NCAM2: variants seen among roughly 807,000 people sequenced by gnomAD.
NCAM2 encodes N-CAM-2.
In NCAM2, 30 loss-of-function variants were observed where a neutral mutation model predicts 98.1. The observed-to-expected ratio is 0.31, with a 90% CI of 0.23 to 0.41. The LOEUF (loss-of-function observed/expected upper bound fraction) is 0.41, where lower values mean the gene tolerates loss of function less well. Among genes scored for constraint, NCAM2 ranks in the 10% least tolerant of loss-of-function variants. NCAM2 has a pLI of 1.00. For synonymous variants in NCAM2, 368 were observed against 342.4 expected, an observed-to-expected ratio of 1.07 and a Z score of -0.83; for missense variants, 867 against 1,005.8, an observed-to-expected ratio of 0.86 and a Z score of 1.87.
chr21:21,284,396 T>G lies in NCAM2; in HGVS notation c.333T>G (p.Ile111Met). The change falls in exon 3 of 18, where the codon ATT becomes ATG. Residue 111 changes from isoleucine (I) to methionine (M), a missense_variant. Physicochemically the swap from Ile to Met is conservative, Grantham distance 10. Around this residue, in one of 5 missense-constraint regions of NCAM2, gnomAD observed 447 missense variants for 495.7 expected, o/e 0.90. Transcript: ENST00000400546. ...AAGAAGCTACAGTAGTTTTGGAAAT[T>G]TACCGTAAGTAATGTATTTATATGT... ...QTQEATVVLE[I>M]YQKLTFREVV... is the part of the protein sequence containing the mutation. The G allele has an allele frequency of 2.5e-6, 4 of 1,604,526 alleles. No homozygotes were observed. Among genetic ancestry groups the G allele is most frequent in the Non-Finnish European group, 3.4e-6 (4 of 1,172,036 alleles).
At chr21:21,158,059 C>T (rs976665006) in intron 1 of NCAM2, among the ~76,000 whole-genome samples, 5 of 152,080 alleles carry the variant, frequency 3.3e-5, no homozygotes, top group African/African-American at 7.2e-5. Context: ...ATGTTTCTCC[C>T]TATGTTTGCT....
intron 12 of NCAM2, among the ~76,000 whole-genome samples, chr21:21,438,534 C>T (rs888186732): frequency 1.3e-5 from 2 of 152,070 alleles, no homozygotes; most frequent in Non-Finnish European, 2.9e-5. Flanking sequence ...GAACCAGTCA[C>T]ATATCAACAA....
chr21:21,011,647 G>A (rs367769783), intron 1 of NCAM2, among the ~76,000 whole-genome samples: 2 of 151,970 alleles, frequency 1.3e-5, no homozygotes, highest in African/African-American at 2.4e-5. Context: ...TATAGTCACC[G>A]TGCCATGCAG....
chr21:21,404,816 A>G (rs1162881321), intron 9 of NCAM2, among the ~76,000 whole-genome samples: 2 of 151,782 alleles, frequency 1.3e-5, no homozygotes, highest in South Asian at 2.1e-4. Context: ...ATTCACTCAT[A>G]TATACATATA....
At chr21:21,536,851 A>T (rs1329496859) in intron 17 of NCAM2, among the ~76,000 whole-genome samples, 2 of 152,218 alleles carry the variant, frequency 1.3e-5, no homozygotes, top group African/African-American at 4.8e-5. Flanking sequence ...AGTAGGGTTT[A>T]TGACGCTGTC....
intron 8 of NCAM2, among the ~76,000 whole-genome samples, chr21:21,357,502 G>A (rs1043967660): frequency 1.3e-5 from 2 of 151,990 alleles, no homozygotes; most frequent in Non-Finnish European, 2.9e-5. Flanking sequence ...AAAATATGGA[G>A]CCTGTAGCAT....
At chr21:21,513,673 A>G (rs1343890429) in intron 16 of NCAM2, among the ~76,000 whole-genome samples, 1 of 152,082 alleles carries the variant, frequency 6.6e-6, no homozygotes, top group African/African-American at 2.4e-5. Context: ...ATTCTTAAAA[A>G]CGTGGATGAA....
chr21:21,240,003 C>T (rs1277289852), intron 1 of NCAM2, among the ~76,000 whole-genome samples: 2 of 152,014 alleles, frequency 1.3e-5, no homozygotes, highest in Non-Finnish European at 2.9e-5. Context: ...ATGTTTCTGT[C>T]TCTTAAGCTT....
At chr21:21,518,617 A>G (rs892987153) in intron 16 of NCAM2, among the ~76,000 whole-genome samples, 1 of 151,388 alleles carries the variant, frequency 6.6e-6, no homozygotes, top group Non-Finnish European at 1.5e-5. Context: ...TAAATATTAT[A>G]TATAATAACA....
At chr21:21,082,839 C>T (rs11909376) in intron 1 of NCAM2, among the ~76,000 whole-genome samples, 27,905 of 152,090 alleles carry the variant, frequency 0.18, 4,246 homozygotes, top group East Asian at 0.42. Context: ...TTTGAACCTT[C>T]GTACTTCTGT....
chr21:21,455,657 T>C (rs2146163620), intron 12 of NCAM2, among the ~76,000 whole-genome samples: 1 of 152,178 alleles, frequency 6.6e-6, no homozygotes, highest in Non-Finnish European at 1.5e-5. Context: ...AATTATTATT[T>C]AGGAATACAA....
chr21:21,323,158 C>T (rs1394545933), intron 5 of NCAM2, among the ~76,000 whole-genome samples: 1 of 151,978 alleles, frequency 6.6e-6, no homozygotes, highest in East Asian at 1.9e-4. Flanking sequence ...AATGTTATTT[C>T]CCATAATTAC....
At chr21:21,171,955 T>C (rs1451587744) in intron 1 of NCAM2, among the ~76,000 whole-genome samples, 1 of 152,160 alleles carries the variant, frequency 6.6e-6, no homozygotes, top group Non-Finnish European at 1.5e-5. Context: ...CAGTCCCTTA[T>C]GTTTTAAAAA....
chr21:21,452,168 CCA>C (rs10591491), intron 12 of NCAM2, among the ~76,000 whole-genome samples: 67,585 of 144,628 alleles, frequency 0.47, 16,148 homozygotes, highest in African/African-American at 0.52. Context: ...TGTGAACTGA[CCA>C]CACACACACA....
At chr21:21,008,697 T>A (rs1253718851) in intron 1 of NCAM2, among the ~76,000 whole-genome samples, 1 of 152,182 alleles carries the variant, frequency 6.6e-6, no homozygotes, top group African/African-American at 2.4e-5. Context: ...ATGAAACATA[T>A]TTAATATCAT....
intron 1 of NCAM2, among the ~76,000 whole-genome samples, chr21:21,011,479 A>T (rs2064209601): frequency 6.6e-6 from 1 of 152,076 alleles, no homozygotes; most frequent in South Asian, 2.1e-4. Flanking sequence ...TAATACATAT[A>T]TTTACAGTAT....
chr21:21,256,333 G>A (rs1017719728), intron 1 of NCAM2, among the ~76,000 whole-genome samples: 1 of 152,084 alleles, frequency 6.6e-6, no homozygotes, highest in Admixed American at 6.6e-5. Context: ...TCCAGCCTGG[G>A]CAACAAGAGC....
At chr21:21,224,886 G>T (rs2070318214) in intron 1 of NCAM2, among the ~76,000 whole-genome samples, 1 of 152,094 alleles carries the variant, frequency 6.6e-6, no homozygotes, top group South Asian at 2.1e-4. Context: ...AAAAGTAAGA[G>T]CTCTGCTTCA....
At chr21:21,178,192 A>G (rs546018200) in intron 1 of NCAM2, among the ~76,000 whole-genome samples, 61 of 152,246 alleles carry the variant, frequency 4.0e-4, no homozygotes, top group African/African-American at 1.4e-3. Context: ...TTTTTAAATC[A>G]AAGCAACTAA....
Sources: gnomAD v4.1 joint callset for allele counts (sites outside exome capture counted in the v4.1 genomes callset) on GRCh38, gnomAD v4.1.1 for gene constraint, gnomAD v4.1.1 regional missense constraint, MANE v1.5 for transcripts, NCBI Gene and HGNC (gene_info 2026-07-23, HGNC 2026-07-21) for gene names.